Variants in GTF2F2 observed in about 807,000 individuals in gnomAD.
The protein encoded by GTF2F2 is general transcription factor IIF subunit 2.
A neutral mutation model predicts 42.2 loss-of-function variants in GTF2F2; 23 were observed. The observed-to-expected ratio is 0.55, with a 90% CI of 0.39 to 0.77. The LOEUF is 0.77. Among genes scored for constraint, GTF2F2 ranks in the 30% least tolerant of loss-of-function variants. The pLI is 0.00. For synonymous variants in GTF2F2, 105 were observed against 100.8 expected (o/e 1.04, Z -0.25); for missense variants, 261 against 287.2 (o/e 0.91, Z 0.66).
chr13:45,258,506 A>G (rs1876194760), intron 6 of GTF2F2, among the ~76,000 whole-genome samples: 1 of 152,228 alleles, frequency 6.6e-6, no homozygotes, highest in African/African-American at 2.4e-5. Flanking sequence ...CACCAAGGCT[A>G]GAGTTGAAGA....
intron 6 of GTF2F2, among the ~76,000 whole-genome samples, chr13:45,263,319 C>T (rs1300109475): frequency 6.6e-6 from 1 of 151,990 alleles, no homozygotes; most frequent in African/African-American, 2.4e-5. Flanking sequence ...GCTCCGCCTC[C>T]CAAGGTTCAC....
chr13:45,141,856 T>C (rs1869942392), intron 2 of GTF2F2, among the ~76,000 whole-genome samples: 2 of 152,158 alleles, frequency 1.3e-5, no homozygotes, highest in South Asian at 4.2e-4. Flanking sequence ...TTTAAAACAT[T>C]GTTATGTTTT....
chr13:45,197,007 TTGTGCCTCTTCTCCTTGA>T (rs1872927942), intron 4 of GTF2F2, among the ~76,000 whole-genome samples: 2 of 151,958 alleles, frequency 1.3e-5, no homozygotes, highest in Admixed American at 1.3e-4. Context: ...CCATTCCATC[TTGTGCCTCTTCTCCTTGA>T]TTGTTTTTTC....
chr13:45,270,119 C>T (rs558158844), intron 7 of GTF2F2, among the ~76,000 whole-genome samples: 2 of 152,186 alleles, frequency 1.3e-5, no homozygotes, highest in Non-Finnish European at 2.9e-5. Flanking sequence ...CGTGAGCTAC[C>T]GTTCCTGGCC....
intron 6 of GTF2F2, among the ~76,000 whole-genome samples, chr13:45,264,278 A>T (rs1269402472): frequency 2.0e-5 from 3 of 149,858 alleles, no homozygotes; most frequent in East Asian, 1.9e-4. Flanking sequence ...TTTTATTTTT[A>T]TTTTTTTATT....
chr13:45,181,395 CAGAGTA>C (rs1004323508), intron 4 of GTF2F2, among the ~76,000 whole-genome samples: 5 of 151,876 alleles, frequency 3.3e-5, no homozygotes, highest in African/African-American at 1.2e-4. Context: ...AATAATGAGT[CAGAGTA>C]AAAGAGCTTA....
At chr13:45,122,054 T>G (rs7989410) in intron 1 of GTF2F2, among the ~76,000 whole-genome samples, 14,698 of 152,114 alleles carry the variant, frequency 0.097, 1,858 homozygotes, top group African/African-American at 0.29. Context: ...CCATGGGGAA[T>G]GGAACAGAAA....
At chr13:45,261,912 T>G (rs1876358741) in intron 6 of GTF2F2, among the ~76,000 whole-genome samples, 1 of 152,214 alleles carries the variant, frequency 6.6e-6, no homozygotes, top group Admixed American at 6.5e-5. Context: ...TTTTAAAAAA[T>G]TACCTCAGTG....
At chr13:45,233,634 C>T (rs545173175) in intron 5 of GTF2F2, among the ~76,000 whole-genome samples, 7 of 152,206 alleles carry the variant, frequency 4.6e-5, no homozygotes, top group African/African-American at 1.2e-4. Flanking sequence ...CAATTGCTAG[C>T]TGGATATGGT....
At chr13:45,194,403 TGGG>T (rs1211487512) in intron 4 of GTF2F2, 1 of 1,614,084 alleles carries the variant, frequency 6.2e-7, no homozygotes, top group Non-Finnish European at 8.5e-7. Flanking sequence ...GGAAAGTGTC[TGGG>T]TACTTGGTCA....
At chr13:45,227,555 G>A (rs956936451) in intron 5 of GTF2F2, among the ~76,000 whole-genome samples, 1 of 151,982 alleles carries the variant, frequency 6.6e-6, no homozygotes, top group Non-Finnish European at 1.5e-5. Context: ...AACAAATATC[G>A]CAAAACTTTT....
intron 4 of GTF2F2, among the ~76,000 whole-genome samples, chr13:45,198,624 G>A (rs1043006709): frequency 6.6e-6 from 1 of 152,126 alleles, no homozygotes; most frequent in Non-Finnish European, 1.5e-5. Flanking sequence ...TAGAAAGAAA[G>A]TAAAAGCTAG....
chr13:45,194,438 A>G (rs776263100), intron 4 of GTF2F2: 10 of 1,614,078 alleles, frequency 6.2e-6, no homozygotes, highest in Admixed American at 3.3e-5. Context: ...TGAGTAATGT[A>G]TAAATATCCA....
rs557879216 is a variant in GTF2F2, at chr13:45,244,515, TG to T, written c.387-8353del. On this transcript the variant is annotated intron_variant, in intron 5 of 7. Coordinates refer to ENST00000340473, the MANE Select transcript of GTF2F2 (RefSeq NM_004128.3). ...TAGCCCTTGAGCTTTGTTTTTTTGA[TG>T]GGAAAAAATATGAGCTTAAACTTAC... 1.7e-3 allele frequency among the ~76,000 whole-genome samples: 265 copies of T among 152,292 alleles called. 1 individual carries two copies. The highest frequency in any genetic ancestry group is 6.1e-3 in the African/African-American group (252 of 41,570).
rs114901885 is a variant in GTF2F2, at chr13:45,241,360, A to G, written c.387-11511A>G. Among the ~76,000 whole-genome samples, 309 of 151,926 alleles carry G rather than the reference A, an allele frequency of 2.0e-3. 1 individual carries two copies. The highest frequency in any genetic ancestry group is 7.0e-3 in the African/African-American group (292 of 41,432). On this transcript the variant is annotated intron_variant, in intron 5 of 7. Transcript: ENST00000340473. ...ACTCTAGCCCCAGCTTCTCTCTCTT[A>G]TGTTCTACTGCACTGGACAGGCCCC... is the stretch of plus-strand genomic sequence containing the variant.
In GTF2F2 at chr13:45,207,043, C is replaced by CACAT. The variant is rs61026179; in HGVS notation, c.305-381_305-380insACAT. The CACAT allele has an allele frequency of 7.6e-5, 13 of 171,478 alleles. 1 individual carries two copies. The highest frequency in any genetic ancestry group is 2.4e-4 in the African/African-American group (10 of 41,790). The allele number at this position is 171,478 out of a possible 1,614,324, so 10.6% of individuals were successfully genotyped here. A position where few individuals can be genotyped will look rare whatever the true frequency, so the allele number is the denominator to read the frequency against. On this transcript the variant is annotated intron_variant, in intron 4 of 7. Transcript: ENST00000340473. ...ACACACACACACACACACACACACACGGTCTTTGATTTAGTGGTTTAGACT... is the reference window on the plus strand; with the variant it reads ...ACACACACACACACACACACACACACACATGGTCTTTGATTTAGTGGTTTAGACT...
chr13:45,143,163 G>A (rs1160751550), intron 2 of GTF2F2, among the ~76,000 whole-genome samples: 1 of 152,170 alleles, frequency 6.6e-6, no homozygotes, highest in African/African-American at 2.4e-5. Context: ...AAGATGTAGG[G>A]CAGACCAGGT....
At chr13:45,140,212 A>G (rs1869853190) in intron 2 of GTF2F2, among the ~76,000 whole-genome samples, 1 of 151,552 alleles carries the variant, frequency 6.6e-6, no homozygotes, top group Non-Finnish European at 1.5e-5. Context: ...CTCAGCCCCT[A>G]AAGTGTGGGT....
At chr13:45,222,736 A>G (rs983353271) in intron 5 of GTF2F2, among the ~76,000 whole-genome samples, 1 of 152,130 alleles carries the variant, frequency 6.6e-6, no homozygotes, top group African/African-American at 2.4e-5. Context: ...TGAATAAGAC[A>G]TTTTTCCTGC....
Sources: allele counts gnomAD v4.1 joint callset (sites outside exome capture counted in the v4.1 genomes callset), GRCh38; gene constraint gnomAD v4.1.1; transcripts MANE v1.5; gene names NCBI Gene and HGNC (gene_info 2026-07-23, HGNC 2026-07-21).